Variants in AFG2A observed in about 807,000 individuals in gnomAD.
The protein encoded by AFG2A is AAA ATPase AFG2A.
the AFG2A span, among the ~76,000 whole-genome samples, chr4:122,969,600 G>C: frequency 6.6e-6 from 1 of 152,104 alleles, no homozygotes; most frequent in Non-Finnish European, 1.5e-5. Flanking sequence ...AATGTGTCGG[G>C]TTCTTCCTTC....
At chr4:123,229,995 T>TA in the AFG2A span, among the ~76,000 whole-genome samples, 3,499 of 151,994 alleles carry the variant, frequency 0.023, 119 homozygotes, top group African/African-American at 0.079. Context: ...ACTTTATTGC[T>TA]AAAAAAATGC....
At chr4:123,035,191 GTTA>G in the AFG2A span, among the ~76,000 whole-genome samples, 2 of 152,088 alleles carry the variant, frequency 1.3e-5, no homozygotes, top group Non-Finnish European at 2.9e-5. Flanking sequence ...TAGTGTTTTG[GTTA>G]TTTTTTCTTT....
the AFG2A span, among the ~76,000 whole-genome samples, chr4:123,200,967 T>A: frequency 6.6e-6 from 1 of 152,234 alleles, no homozygotes; most frequent in East Asian, 1.9e-4. Context: ...CCAGGTTCCC[T>A]GAGAGGAAGA....
the AFG2A span, among the ~76,000 whole-genome samples, chr4:123,053,445 G>A: frequency 3.3e-5 from 5 of 152,264 alleles, no homozygotes; most frequent in African/African-American, 1.2e-4. Context: ...TGCAGTGAGA[G>A]GGCCTGGAGT....
the AFG2A span, among the ~76,000 whole-genome samples, chr4:122,975,979 T>A: frequency 6.6e-6 from 1 of 152,204 alleles, no homozygotes; most frequent in South Asian, 2.1e-4. Flanking sequence ...AGAAAGATAC[T>A]CAACCCTCTG....
chr4:123,037,042 A>C, the AFG2A span, among the ~76,000 whole-genome samples: 3 of 152,200 alleles, frequency 2.0e-5, no homozygotes, highest in South Asian at 6.2e-4. Flanking sequence ...CATAGTTAAC[A>C]CTTAGGTTAA....
chr4:123,236,650 G>T, the AFG2A span, among the ~76,000 whole-genome samples: 1 of 152,130 alleles, frequency 6.6e-6, no homozygotes, highest in South Asian at 2.1e-4. Context: ...CACTTAGAGT[G>T]ATTTGATTCA....
the AFG2A span, among the ~76,000 whole-genome samples, chr4:122,924,387 A>G: frequency 5.9e-5 from 9 of 152,262 alleles, no homozygotes; most frequent in African/African-American, 9.6e-5. Context: ...ATTCCATGGA[A>G]ACTGTTCCTG....
At chr4:123,133,583 T>G in the AFG2A span, among the ~76,000 whole-genome samples, 1 of 152,186 alleles carries the variant, frequency 6.6e-6, no homozygotes, top group Non-Finnish European at 1.5e-5. Context: ...GACTTCATTT[T>G]GATTCTGATA....
At chr4:123,025,832 G>A in the AFG2A span, among the ~76,000 whole-genome samples, 4 of 152,074 alleles carry the variant, frequency 2.6e-5, no homozygotes, top group Admixed American at 2.6e-4. Context: ...CCAAGAATGT[G>A]CTGCATATCT....
the AFG2A span, among the ~76,000 whole-genome samples, chr4:123,275,719 CCTT>C: frequency 6.6e-6 from 1 of 152,018 alleles, no homozygotes. Context: ...TTGTTGTTTA[CCTT>C]CTTATAAGTG....
At chr4:123,261,831 G>A in the AFG2A span, among the ~76,000 whole-genome samples, 1 of 152,098 alleles carries the variant, frequency 6.6e-6, no homozygotes, top group East Asian at 1.9e-4. Context: ...CCAGGCTGGA[G>A]TGCAGTGTCA....
chr4:123,235,724 G>A, the AFG2A span, among the ~76,000 whole-genome samples: 1 of 152,150 alleles, frequency 6.6e-6, no homozygotes, highest in Non-Finnish European at 1.5e-5. Context: ...AAATACTGCT[G>A]TTCTCAGTGC....
the AFG2A span, among the ~76,000 whole-genome samples, chr4:123,211,436 T>G: frequency 1.3e-5 from 2 of 151,992 alleles, no homozygotes; most frequent in Non-Finnish European, 2.9e-5. Flanking sequence ...TAGGAAGAAA[T>G]CAGTATCGGA....
At chr4:123,091,194 T>C in the AFG2A span, among the ~76,000 whole-genome samples, 1 of 152,226 alleles carries the variant, frequency 6.6e-6, no homozygotes, top group African/African-American at 2.4e-5. Flanking sequence ...TGTCTCAGGA[T>C]GTTGCATTTC....
At chr4:123,114,212 T>C in the AFG2A span, among the ~76,000 whole-genome samples, 1 of 151,994 alleles carries the variant, frequency 6.6e-6, no homozygotes, top group South Asian at 2.1e-4. Flanking sequence ...TGCCGATTGG[T>C]CCATGGGCCT....
At chr4:123,204,960 A>G in the AFG2A span, among the ~76,000 whole-genome samples, 1 of 152,188 alleles carries the variant, frequency 6.6e-6, no homozygotes, top group African/African-American at 2.4e-5. Context: ...ACTATAAATC[A>G]GTGCTCCCCT....
At chr4:122,969,691 TA>T in the AFG2A span, among the ~76,000 whole-genome samples, 7 of 152,306 alleles carry the variant, frequency 4.6e-5, no homozygotes, top group South Asian at 1.4e-3. Context: ...GGGAAGTTAA[TA>T]CCTTGTAATC....
chr4:123,041,807 C>T, the AFG2A span, among the ~76,000 whole-genome samples: 4 of 152,038 alleles, frequency 2.6e-5, no homozygotes, highest in African/African-American at 9.7e-5. Context: ...GGATTACAGG[C>T]GTGATCCACT....
Sources: gnomAD v4.1 joint callset for allele counts (sites outside exome capture counted in the v4.1 genomes callset) on GRCh38, gnomAD v4.1.1 for gene constraint, MANE v1.5 for transcripts, NCBI Gene and HGNC (gene_info 2026-07-23, HGNC 2026-07-21) for gene names.